Variants in BANK1 observed in about 807,000 individuals in gnomAD.
BANK1 encodes B-cell scaffold protein with ankyrin repeats.
BANK1 carries 95 observed loss-of-function variants against 94.5 expected under a neutral mutation model. The ratio of observed to expected loss-of-function variants is 1.00; its 90% CI spans 0.85 to 1.19. The LOEUF (loss-of-function observed/expected upper bound fraction) is 1.19. BANK1 is among the 50% of genes most tolerant of loss of function. BANK1 has a pLI of 0.00. For synonymous variants in BANK1, 334 were observed against 308.4 expected (o/e 1.08, Z -0.87); for missense variants, 987 against 932.2 (o/e 1.06, Z -0.77).
At chr4:101,816,965 A>C (rs573144210) in intron 1 of BANK1, among the ~76,000 whole-genome samples, 8 of 152,148 alleles carry the variant, frequency 5.3e-5, no homozygotes, top group Non-Finnish European at 1.0e-4. Flanking sequence ...TGTGTTGTGG[A>C]TCTCCTATTG....
intron 7 of BANK1, among the ~76,000 whole-genome samples, chr4:101,958,990 A>C (rs916594668): frequency 2.0e-5 from 3 of 152,184 alleles, no homozygotes; most frequent in Non-Finnish European, 4.4e-5. Flanking sequence ...TGGTCCTGTA[A>C]AATCAGCTCT....
chr4:101,943,826 C>G (rs1723832544), intron 7 of BANK1, among the ~76,000 whole-genome samples: 1 of 151,802 alleles, frequency 6.6e-6, no homozygotes, highest in Non-Finnish European at 1.5e-5. Context: ...AGCTCTGAAA[C>G]TATACTGCCC....
intron 7 of BANK1, among the ~76,000 whole-genome samples, chr4:101,978,957 A>G (rs919683623): frequency 5.3e-5 from 8 of 152,070 alleles, no homozygotes; most frequent in African/African-American, 1.7e-4. Flanking sequence ...GGTAGATGTC[A>G]TTTGCCAAAG....
intron 7 of BANK1, among the ~76,000 whole-genome samples, chr4:101,968,739 C>A (rs1724849157): frequency 6.6e-6 from 1 of 152,058 alleles, no homozygotes; most frequent in Admixed American, 6.6e-5. Flanking sequence ...AGCAAGAATT[C>A]TTCCCTCATG....
chr4:102,036,117 A>C (rs77317513), intron 10 of BANK1, among the ~76,000 whole-genome samples: 1,603 of 152,350 alleles, frequency 0.011, 27 homozygotes, highest in African/African-American at 0.035. Flanking sequence ...TTCAGAATCC[A>C]TGTGACTGAT....
chr4:101,929,486 A>G (rs1578404074), intron 7 of BANK1, among the ~76,000 whole-genome samples: 1 of 151,650 alleles, frequency 6.6e-6, no homozygotes, highest in East Asian at 1.9e-4. Context: ...TTAAAAAACT[A>G]TATGACACAT....
chr4:102,065,640 C>G (rs1728566004), intron 13 of BANK1, among the ~76,000 whole-genome samples: 1 of 151,618 alleles, frequency 6.6e-6, no homozygotes, highest in Admixed American at 6.6e-5. Context: ...GACTTTAAAG[C>G]ACCTTAAACA....
chr4:101,858,798 G>A (rs894544623), intron 3 of BANK1, among the ~76,000 whole-genome samples: 3 of 152,206 alleles, frequency 2.0e-5, no homozygotes, highest in Non-Finnish European at 2.9e-5. Flanking sequence ...TTTATTGAAT[G>A]TTTTTACAAT....
At chr4:101,855,471 C>T (rs899297986) in intron 3 of BANK1, among the ~76,000 whole-genome samples, 17 of 152,138 alleles carry the variant, frequency 1.1e-4, no homozygotes, top group Non-Finnish European at 1.9e-4. Context: ...TGGCTATCCT[C>T]TGAACCTAGG....
chr4:102,007,467 T>C (rs1321833127), intron 7 of BANK1, among the ~76,000 whole-genome samples: 2 of 151,490 alleles, frequency 1.3e-5, no homozygotes, highest in Non-Finnish European at 2.9e-5. Context: ...ATTCAGAAAA[T>C]AAGAAAGAAA....
intron 2 of BANK1, among the ~76,000 whole-genome samples, chr4:101,847,484 T>A (rs1727293166): frequency 1.3e-5 from 2 of 152,046 alleles, no homozygotes; most frequent in Admixed American, 1.3e-4. Context: ...GGTGCACCCA[T>A]CACCCAAGCA....
At chr4:101,992,157 A>G (rs532317406) in intron 7 of BANK1, among the ~76,000 whole-genome samples, 8 of 152,320 alleles carry the variant, frequency 5.3e-5, no homozygotes, top group South Asian at 2.1e-4. Flanking sequence ...TTATCACTCT[A>G]ATCATGTGCT....
intron 2 of BANK1, among the ~76,000 whole-genome samples, chr4:101,843,208 T>G (rs1411184579): frequency 3.3e-5 from 5 of 152,316 alleles, no homozygotes; most frequent in African/African-American, 1.2e-4. Flanking sequence ...TACTTTCCCC[T>G]TTGGTCTTAT....
At chr4:101,963,552 T>C (rs1240277381) in intron 7 of BANK1, among the ~76,000 whole-genome samples, 2 of 152,112 alleles carry the variant, frequency 1.3e-5, no homozygotes, top group Non-Finnish European at 2.9e-5. Flanking sequence ...CAGCTTTTGA[T>C]ATTGCCTGTT....
chr4:102,072,316 A>C (rs775837674), intron 14 of BANK1, 29 bp from the exon 15 acceptor site: 1 of 1,477,402 alleles, frequency 6.8e-7, no homozygotes. Flanking sequence ...GAATGAATAA[A>C]GAGGTAATAA....
chr4:102,025,043 T>A (rs543292341), intron 8 of BANK1, among the ~76,000 whole-genome samples, 158 bp from the exon 9 acceptor site: 3 of 152,316 alleles, frequency 2.0e-5, no homozygotes, highest in African/African-American at 7.2e-5. Flanking sequence ...CAGAAATAAA[T>A]GACTGTTCAC....
chr4:101,949,972 A>G (rs964524270), intron 7 of BANK1, among the ~76,000 whole-genome samples: 2 of 151,936 alleles, frequency 1.3e-5, no homozygotes, highest in African/African-American at 2.4e-5. Flanking sequence ...TGGTTTAACT[A>G]TGGGCAAGGA....
chr4:101,990,222 G>A (rs73834540), intron 7 of BANK1, among the ~76,000 whole-genome samples: 4 of 152,098 alleles, frequency 2.6e-5, no homozygotes, highest in Non-Finnish European at 5.9e-5. Context: ...TCCTTGTTCA[G>A]CTTATAAAAA....
At chr4:101,799,005 C>A in intron 1 of BANK1, among the ~76,000 whole-genome samples, 1 of 152,134 alleles carries the variant, frequency 6.6e-6, no homozygotes, top group Non-Finnish European at 1.5e-5. Flanking sequence ...GTTGCCATTG[C>A]TTTTGGTGTT....
Sources: allele counts gnomAD v4.1 joint callset (sites outside exome capture counted in the v4.1 genomes callset), GRCh38; gene constraint gnomAD v4.1.1; transcripts MANE v1.5; gene names NCBI Gene and HGNC (gene_info 2026-07-23, HGNC 2026-07-21).